The following TANC2 variants were observed in gnomAD, a reference collection of about 807,000 sequenced individuals.
TANC2 encodes tetratricopeptide repeat, ankyrin repeat and coiled-coil containing 2.
In TANC2, 26 loss-of-function variants were observed where a neutral mutation model predicts 210.5. The ratio of observed to expected loss-of-function variants is 0.12; its 90% CI spans 0.09 to 0.17. The LOEUF is 0.17. Among genes scored for constraint, TANC2 ranks in the 10% least tolerant of loss-of-function variants. The pLI, the probability that TANC2 is intolerant of heterozygous loss-of-function variation, is 1.00. For synonymous variants in TANC2, 931 were observed against 967.1 expected, an observed-to-expected ratio of 0.96 and a Z score of 0.69; for missense variants, 2,129 against 2,608.9, an observed-to-expected ratio of 0.82 and a Z score of 4.01.
intron 2 of TANC2, among the ~76,000 whole-genome samples, chr17:63,019,475 C>A (rs994908504): frequency 2.6e-5 from 4 of 152,126 alleles, no homozygotes; most frequent in Non-Finnish European, 5.9e-5. Context: ...TCTTTGGCCT[C>A]CCGAAGTGCT....
At chr17:63,049,189 A>G (rs968023797) in intron 2 of TANC2, among the ~76,000 whole-genome samples, 2 of 152,198 alleles carry the variant, frequency 1.3e-5, no homozygotes, top group African/African-American at 4.8e-5. Flanking sequence ...GTCAGATACT[A>G]TTCTAGGCAT....
chr17:63,149,552 C>T (rs1288260634), intron 4 of TANC2: 1 of 152,062 alleles, frequency 6.6e-6, no homozygotes, highest in Non-Finnish European at 1.5e-5. Flanking sequence ...ACTCTGATGC[C>T]ATGACAATGC....
chr17:63,227,825 C>T (rs1252711782), intron 7 of TANC2, among the ~76,000 whole-genome samples: 1 of 152,076 alleles, frequency 6.6e-6, no homozygotes, highest in Non-Finnish European at 1.5e-5. Flanking sequence ...CTGCATATGG[C>T]TAGCCAATTC....
At chr17:63,342,418 G>A (rs2046262074) in intron 12 of TANC2, among the ~76,000 whole-genome samples, 1 of 152,048 alleles carries the variant, frequency 6.6e-6, no homozygotes, top group African/African-American at 2.4e-5. Context: ...AATATGTTTT[G>A]AACAGATAAG....
chr17:62,968,286 T>C (rs1246096530), intron 1 of TANC2, among the ~76,000 whole-genome samples: 1 of 152,230 alleles, frequency 6.6e-6, no homozygotes, highest in African/African-American at 2.4e-5. Flanking sequence ...GATTTTAATG[T>C]TTTATGTTAT....
Position 63,016,467 on chromosome 17 carries a change from T to C in TANC2, c.67+6841T>C, listed in dbSNP as rs557754211. 2.6e-5 allele frequency among the ~76,000 whole-genome samples: 4 copies of C among 152,342 alleles called. No homozygotes were observed. In the South Asian group the frequency reaches 8.3e-4, roughly 32 times the overall value. On this transcript the variant is annotated intron_variant, in intron 2 of 27. Coordinates refer to ENST00000689528, the Ensembl canonical transcript of TANC2. ...TCTGTTGTGCCACATTTTGTTGGTC[T>C]GTTCTTCCTTTGATGGGCATTTGGG...
intron 4 of TANC2, among the ~76,000 whole-genome samples, chr17:63,129,717 A>G (rs547759452): frequency 1.3e-5 from 2 of 152,242 alleles, no homozygotes; most frequent in South Asian, 4.1e-4. Flanking sequence ...GATGAGTCCA[A>G]TTAGATTAGA....
At chr17:63,004,777 G>C (rs1369898051) in intron 1 of TANC2, 2 of 342,548 alleles carry the variant, frequency 5.8e-6, no homozygotes, top group Non-Finnish European at 1.1e-5. Context: ...TTTTCTGCAG[G>C]GTTATTCCCC....
intron 3 of TANC2, among the ~76,000 whole-genome samples, chr17:63,098,243 G>T (rs2037462884): frequency 6.6e-6 from 1 of 151,924 alleles, no homozygotes; most frequent in African/African-American, 2.4e-5. Context: ...TTTGTTTTTA[G>T]TAGGCACTGT....
At chr17:63,198,719 A>G (rs962022590) in intron 6 of TANC2, among the ~76,000 whole-genome samples, 3 of 152,090 alleles carry the variant, frequency 2.0e-5, no homozygotes, top group African/African-American at 7.2e-5. Flanking sequence ...TCCATGTCAC[A>G]AGTGATATTA....
chr17:62,996,593 A>G (rs2033118516), intron 1 of TANC2, among the ~76,000 whole-genome samples: 2 of 152,128 alleles, frequency 1.3e-5, no homozygotes, highest in South Asian at 4.1e-4. Context: ...TCATTGCTCA[A>G]TTAAACTCGT....
chr17:63,026,533 A>G (rs2034560824), intron 2 of TANC2, among the ~76,000 whole-genome samples: 2 of 152,184 alleles, frequency 1.3e-5, no homozygotes, highest in Admixed American at 1.3e-4. Context: ...TTTGTTTACT[A>G]GAGTGGCTGG....
chr17:63,420,828 A>G lies in TANC2; in HGVS notation c.5098A>G (p.Asn1700Asp). 9 of 1,613,952 alleles carry G rather than the reference A, an allele frequency of 5.6e-6. No individual in the cohort carries two copies. The highest frequency in any genetic ancestry group is 7.6e-6 in the Non-Finnish European group (9 of 1,179,878). ...TGCCAAGGCCCAGATTGTGAGAAGT[A>G]ACCAGCCCAGCCCAGCCGTCCATTC... The change falls in exon 28 of 28, where the codon AAC (asparagine) becomes GAC (aspartate). Residue 1700 changes from asparagine to aspartate, a missense_variant. By Grantham distance (23) the Asn-to-Asp change is conservative (BLOSUM62 1). Transcript: ENST00000689528. The surrounding 1 kb of genome is among the most constrained non-coding windows in gnomAD (Gnocchi z 4.2).
At chr17:63,350,284 G>A (rs979948500) in intron 12 of TANC2, among the ~76,000 whole-genome samples, 1 of 152,138 alleles carries the variant, frequency 6.6e-6, no homozygotes, top group Non-Finnish European at 1.5e-5. Context: ...CCAGGTATCT[G>A]ATGACTGCTT....
At chr17:63,397,847 G>A (rs576504073) in intron 18 of TANC2, among the ~76,000 whole-genome samples, 11 of 152,142 alleles carry the variant, frequency 7.2e-5, no homozygotes, top group Non-Finnish European at 1.6e-4. Flanking sequence ...ATTGCTATTT[G>A]ATTTCTAATA....
At chr17:63,287,414 A>G (rs1251746717) in intron 9 of TANC2, among the ~76,000 whole-genome samples, 1 of 152,092 alleles carries the variant, frequency 6.6e-6, no homozygotes, top group African/African-American at 2.4e-5. Context: ...CTAAATATGA[A>G]TCATATTTTC....
At chr17:63,250,336 C>A (rs566699288) in intron 8 of TANC2, among the ~76,000 whole-genome samples, 5 of 152,000 alleles carry the variant, frequency 3.3e-5, no homozygotes, top group Non-Finnish European at 7.4e-5. Context: ...CAGGGTCTCA[C>A]AGTGTTGCCC....
chr17:63,126,430 C>T (rs868077594), intron 4 of TANC2, among the ~76,000 whole-genome samples: 14 of 152,078 alleles, frequency 9.2e-5, no homozygotes, highest in African/African-American at 2.7e-4. Flanking sequence ...TGTTTTTTGA[C>T]GGAGTCTTCT....
intron 12 of TANC2, among the ~76,000 whole-genome samples, chr17:63,347,932 A>AT (rs970504165): frequency 2.0e-5 from 3 of 151,876 alleles, no homozygotes; most frequent in African/African-American, 7.3e-5. Flanking sequence ...TACTTGGCTA[A>AT]TTTTTTTCTA....
Sources: allele counts gnomAD v4.1 joint callset (sites outside exome capture counted in the v4.1 genomes callset), GRCh38; gene constraint gnomAD v4.1.1; non-coding constraint Gnocchi (gnomAD v3.1); transcripts MANE v1.5; gene names NCBI Gene and HGNC (gene_info 2026-07-23, HGNC 2026-07-21).